The following NCAM1 variants were observed in gnomAD, a reference collection of about 807,000 sequenced individuals.
The protein encoded by NCAM1 is neural cell adhesion molecule 1, also known as antigen recognized by monoclonal antibody 5.1H11.
In NCAM1, 14 loss-of-function variants were observed where a neutral mutation model predicts 109.8. The observed-to-expected ratio is 0.13, with a 90% CI of 0.08 to 0.20. The LOEUF (loss-of-function observed/expected upper bound fraction) is 0.20, where lower values mean the gene tolerates loss of function less well. NCAM1 is among the 10% of genes least tolerant of loss of function. NCAM1 has a pLI of 1.00. For synonymous variants in NCAM1, 418 were observed against 442.9 expected (o/e 0.94, Z 0.70); for missense variants, 774 against 1,109.9 (o/e 0.70, Z 4.30).
At chr11:112,961,802 G>T in intron 1 of NCAM1, 138 bp downstream of exon 1, 3 of 661,598 alleles carry the variant, frequency 4.5e-6, no homozygotes, top group Non-Finnish European at 7.8e-6. Flanking sequence ...TGTGAAAGGA[G>T]CGCGTCGCCC....
intron 9 of NCAM1, 141 bp from the exon 10 acceptor site, chr11:113,231,504 T>G: frequency 1.0e-6 from 1 of 968,784 alleles, no homozygotes; most frequent in East Asian, 2.6e-5. Context: ...AGAAAGCCAT[T>G]GACACAGAGA....
At chr11:113,091,788 G>A (rs941158720) in intron 1 of NCAM1, among the ~76,000 whole-genome samples, 13 of 152,144 alleles carry the variant, frequency 8.5e-5, no homozygotes, top group Admixed American at 4.6e-4. Context: ...AAAATTAGGT[G>A]GCTTGCCTAA....
chr11:113,265,702 A>G (rs1591472827), intron 17 of NCAM1, among the ~76,000 whole-genome samples: 1 of 152,258 alleles, frequency 6.6e-6, no homozygotes, highest in Admixed American at 6.5e-5. Flanking sequence ...GCAAGCAGAC[A>G]TGTAAAGGGC....
chr11:112,984,500 T>C (rs1555069263), intron 1 of NCAM1, among the ~76,000 whole-genome samples: 1 of 152,090 alleles, frequency 6.6e-6, no homozygotes, highest in East Asian at 1.9e-4. Flanking sequence ...GCAGCAGTCT[T>C]ACATGCCCAC....
intron 5 of NCAM1, 122 bp downstream of exon 5, chr11:113,206,302 G>T: frequency 9.9e-7 from 1 of 1,011,508 alleles, no homozygotes; most frequent in Non-Finnish European, 1.4e-6. Flanking sequence ...TCATCCGTCT[G>T]AGCTAAATCC....
chr11:113,115,574 CA>C (rs1395548647), intron 1 of NCAM1, among the ~76,000 whole-genome samples: 1 of 152,160 alleles, frequency 6.6e-6, no homozygotes, highest in East Asian at 1.9e-4. Context: ...AAAGTCAGGA[CA>C]AATGGATTCT....
rs367932259 is a variant in NCAM1, at chr11:113,255,905, G to T, written c.1857G>T (p.Gly619=). The change falls in exon 16 of 20, where the codon GGG becomes GGT. Residue 619 remains glycine, a synonymous_variant. Transcript: ENST00000316851. ...AACCCAGTGCACCTAAGCTCGAAGG[G>T]CAGATGGGAGAGGATGGAAACTCTA... ...QGEPSAPKLE[G]QMGEDGNSIK... is the part of the protein sequence containing the mutation. 6.2e-7 allele frequency: 1 copy of T among 1,612,310 alleles called. No individual in the cohort carries two copies. The highest frequency in any genetic ancestry group is 8.5e-7 in the Non-Finnish European group (1 of 1,179,432).
intron 1 of NCAM1, among the ~76,000 whole-genome samples, chr11:113,035,558 G>A (rs182249305): frequency 5.3e-5 from 8 of 152,152 alleles, no homozygotes; most frequent in Middle Eastern, 3.4e-3. Flanking sequence ...TTAAGAGCCC[G>A]CCACTGAAAT....
At position 113,267,016 on chromosome 11, in the gene NCAM1, A is replaced by G. The variant is rs542237671; in HGVS notation, c.2132-3172A>G. Reference sequence around the variant, plus strand: ...CTCTGCTCGAGTGCCTTCAGCATCAAGGAACTCACCTCTCAGAGCAGCCCA... The same window carrying G: ...CTCTGCTCGAGTGCCTTCAGCATCAGGGAACTCACCTCTCAGAGCAGCCCA... On this transcript the variant is annotated intron_variant, in intron 17 of 19. Coordinates refer to ENST00000316851, the MANE Select transcript of NCAM1 (RefSeq NM_181351.5). 1.5e-3 allele frequency among the ~76,000 whole-genome samples: 235 copies of G among 152,302 alleles called. 1 individual carries two copies. The highest frequency in any genetic ancestry group is 5.0e-3 in the African/African-American group (207 of 41,570).
At chr11:113,091,162 T>C (rs1939325994) in intron 1 of NCAM1, among the ~76,000 whole-genome samples, 1 of 152,202 alleles carries the variant, frequency 6.6e-6, no homozygotes, top group African/African-American at 2.4e-5. Flanking sequence ...AGAATAAATC[T>C]ATTTTAAGAT....
In NCAM1 at chr11:113,058,797, C is replaced by A. The variant is rs532000907; in HGVS notation, c.52+97133C>A. 2.0e-5 allele frequency among the ~76,000 whole-genome samples: 3 copies of A among 152,308 alleles called. No individual in the cohort carries two copies. The South Asian group carries it at 6.2e-4, about 32-fold the overall frequency. On this transcript the variant is annotated intron_variant, in intron 1 of 19. Transcript: ENST00000316851. ...GCTTTCATAGCCGGCTCAGCCTGGG[C>A]ATGCACCATGGCCTTTTTCCTGAAG...
At chr11:113,148,638 C>T (rs1054386049) in intron 1 of NCAM1, among the ~76,000 whole-genome samples, 2 of 152,134 alleles carry the variant, frequency 1.3e-5, no homozygotes, top group African/African-American at 2.4e-5. Flanking sequence ...AGCTTTAGTA[C>T]GTCTCCTTAT....
intron 1 of NCAM1, among the ~76,000 whole-genome samples, chr11:113,154,760 G>A (rs901455833): frequency 7.2e-5 from 11 of 152,186 alleles, no homozygotes; most frequent in African/African-American, 2.7e-4. Flanking sequence ...TGAGAGATGG[G>A]ACAGAATTGT....
intron 1 of NCAM1, among the ~76,000 whole-genome samples, chr11:113,163,152 T>C (rs1942659943): frequency 6.6e-6 from 1 of 152,142 alleles, no homozygotes; most frequent in Non-Finnish European, 1.5e-5. Context: ...CTCCTTCTGC[T>C]CAAGAGAAGA....
chr11:113,155,951 G>C, intron 1 of NCAM1, among the ~76,000 whole-genome samples: 1 of 152,100 alleles, frequency 6.6e-6, no homozygotes, highest in East Asian at 1.9e-4. Context: ...GAGTCACACT[G>C]TGACAAAGGT....
chr11:113,207,568 T>TG (rs1944274113), intron 6 of NCAM1, among the ~76,000 whole-genome samples, 190 bp downstream of exon 6: 2 of 152,164 alleles, frequency 1.3e-5, no homozygotes, highest in African/African-American at 2.4e-5. Context: ...TTCAGCCTTG[T>TG]GGGGGCAGAG....
At chr11:113,103,303 G>A (rs1939958570) in intron 1 of NCAM1, among the ~76,000 whole-genome samples, 1 of 152,148 alleles carries the variant, frequency 6.6e-6, no homozygotes, top group Admixed American at 6.5e-5. Context: ...ATGAGTTTGT[G>A]ACTTGAAAAA....
intron 14 of NCAM1, among the ~76,000 whole-genome samples, chr11:113,245,090 GT>G (rs113910402): frequency 0.081 from 11,728 of 144,638 alleles, 606 homozygotes; most frequent in East Asian, 0.15. Context: ...TAAGAAAAGT[GT>G]TTTTTTTTTT....
intron 1 of NCAM1, among the ~76,000 whole-genome samples, chr11:113,085,578 T>C (rs565802821): frequency 6.6e-6 from 1 of 152,332 alleles, no homozygotes; most frequent in Admixed American, 6.5e-5. Context: ...GGGTTAAGCC[T>C]CTCCTAAATC....
Sources: allele counts gnomAD v4.1 joint callset (sites outside exome capture counted in the v4.1 genomes callset), GRCh38; gene constraint gnomAD v4.1.1; transcripts MANE v1.5; gene names NCBI Gene and HGNC (gene_info 2026-07-23, HGNC 2026-07-21).